OSBPL8: variants seen among roughly 807,000 people sequenced by gnomAD.
OSBPL8 encodes the protein oxysterol binding protein like 8.
A neutral mutation model predicts 125.5 loss-of-function variants in OSBPL8; 59 were observed. The ratio of observed to expected loss-of-function variants is 0.47; its 90% CI spans 0.38 to 0.58. The LOEUF (loss-of-function observed/expected upper bound fraction) is 0.58. Ranked by LOEUF, OSBPL8 falls within the 20% of genes least tolerant of loss-of-function variation. The probability of loss-of-function intolerance (pLI) is 0.00; values close to 1 mark genes in which losing one functional copy is unlikely to be tolerated. For missense variants in OSBPL8, 758 were observed against 1,047.8 expected, an observed-to-expected ratio of 0.72 and a Z score of 3.82; for synonymous variants, 330 against 338.9, an observed-to-expected ratio of 0.97 and a Z score of 0.29.
intron 2 of OSBPL8, among the ~76,000 whole-genome samples, chr12:76,465,422 T>A (rs1002376086): frequency 2.0e-5 from 3 of 151,542 alleles, no homozygotes; most frequent in Non-Finnish European, 4.4e-5. Flanking sequence ...TAGCCGGGCG[T>A]GGTGGCGGGC....
At chr12:76,505,459 G>A (rs1267935528) in intron 1 of OSBPL8, among the ~76,000 whole-genome samples, 6 of 151,802 alleles carry the variant, frequency 4.0e-5, no homozygotes, top group Admixed American at 1.3e-4. Context: ...TATTTTCCTC[G>A]ACGAACCTGA....
At chr12:76,403,476 A>G (rs1407681933) in intron 5 of OSBPL8, among the ~76,000 whole-genome samples, 1 of 152,164 alleles carries the variant, frequency 6.6e-6, no homozygotes, top group Non-Finnish European at 1.5e-5. Flanking sequence ...TGATTTTCCA[A>G]ACTAACAATC....
intron 17 of OSBPL8, 76 bp downstream of exon 17, chr12:76,375,197 A>T: frequency 1.0e-6 from 1 of 957,348 alleles, no homozygotes; most frequent in Non-Finnish European, 1.6e-6. Flanking sequence ...ATTAGGAAAT[A>T]CATGGTGCCC....
intron 4 of OSBPL8, among the ~76,000 whole-genome samples, chr12:76,445,815 A>G (rs1018476661): frequency 4.6e-5 from 7 of 152,016 alleles, no homozygotes; most frequent in African/African-American, 7.2e-5. Flanking sequence ...TGAAACAAAC[A>G]CTCACCACAT....
At chr12:76,492,157 T>G (rs910527697) in intron 1 of OSBPL8, among the ~76,000 whole-genome samples, 3 of 152,058 alleles carry the variant, frequency 2.0e-5, no homozygotes, top group African/African-American at 7.2e-5. Flanking sequence ...GGTTACAATT[T>G]TAAATAGGAT....
At chr12:76,508,993 T>TCTTTACTTTACTTTAA (rs1880708934) in intron 1 of OSBPL8, among the ~76,000 whole-genome samples, 1 of 152,242 alleles carries the variant, frequency 6.6e-6, no homozygotes, top group Non-Finnish European at 1.5e-5. Context: ...ATAAACTTGC[T>TCTTTACTTTACTTTAA]TTCACTTTAC....
intron 1 of OSBPL8, among the ~76,000 whole-genome samples, chr12:76,497,516 ACAC>A (rs1879404989): frequency 6.6e-6 from 1 of 152,150 alleles, no homozygotes; most frequent in Non-Finnish European, 1.5e-5. Flanking sequence ...ACTTAGACCT[ACAC>A]CTAAACCCTA....
At position 76,439,662 on chromosome 12, in the gene OSBPL8, T is replaced by C. The variant is rs922443785; in HGVS notation, c.217+11189A>G. ...TCTTTGTAAAAGTAATCTGTATTACTAATTAGGTTACTTTAAAGATTATAA... is the reference window on the plus strand; with the variant it reads ...TCTTTGTAAAAGTAATCTGTATTACCAATTAGGTTACTTTAAAGATTATAA... On this transcript the variant is annotated intron_variant, in intron 4 of 23. Coordinates refer to ENST00000261183, the MANE Select transcript of OSBPL8 (RefSeq NM_020841.5). Among the ~76,000 whole-genome samples, 19 of 152,340 alleles carry C rather than the reference T, an allele frequency of 1.2e-4. No individual in the cohort carries two copies. In the East Asian group the frequency reaches 2.3e-3, roughly 19 times the overall value.
chr12:76,424,273 T>C (rs567479571), intron 4 of OSBPL8, among the ~76,000 whole-genome samples: 2 of 152,264 alleles, frequency 1.3e-5, no homozygotes, highest in African/African-American at 4.8e-5. Flanking sequence ...AGTGCTAGGA[T>C]TGTAGGTGTG....
chr12:76,492,963 C>G lies in OSBPL8; in HGVS notation c.-67-5345G>C, dbSNP rs78518878. On this transcript the variant is annotated intron_variant, in intron 1 of 23. Coordinates refer to ENST00000261183, the MANE Select transcript of OSBPL8 (RefSeq NM_020841.5). ...TTTTTTTTTGCTTTCATTGTGTGCA[C>G]GTACACACGTGCACATTCTGGGTCA... 1.3e-3 allele frequency among the ~76,000 whole-genome samples: 204 copies of G among 151,730 alleles called. 2 individuals are homozygous for G. The highest frequency in any genetic ancestry group is 4.7e-3 in the African/African-American group (195 of 41,394).
intron 2 of OSBPL8, among the ~76,000 whole-genome samples, chr12:76,476,023 A>G (rs1876764605): frequency 6.6e-6 from 1 of 152,188 alleles, no homozygotes; most frequent in Admixed American, 6.6e-5. Context: ...GCTGTTTACA[A>G]CTGAGGAGAC....
intron 10 of OSBPL8, among the ~76,000 whole-genome samples, chr12:76,391,727 C>A (rs541941519): frequency 1.3e-5 from 2 of 152,002 alleles, no homozygotes; most frequent in Non-Finnish European, 2.9e-5. Context: ...TGTGCCACTG[C>A]ACTGCAGCCT....
chr12:76,404,470 T>C (rs982828424), intron 5 of OSBPL8, among the ~76,000 whole-genome samples: 2 of 152,188 alleles, frequency 1.3e-5, no homozygotes, highest in East Asian at 1.9e-4. Context: ...GGTCCACTTA[T>C]AGGCAGATTT....
intron 16 of OSBPL8, among the ~76,000 whole-genome samples, chr12:76,376,189 C>T (rs1445436798): frequency 6.6e-6 from 1 of 152,152 alleles, no homozygotes; most frequent in Non-Finnish European, 1.5e-5. Context: ...GAATCAAATG[C>T]ATAAGCAAAG....
chr12:76,451,065 A>C, intron 3 of OSBPL8, 77 bp from the exon 4 acceptor site: 1 of 1,434,680 alleles, frequency 7.0e-7, no homozygotes, highest in Non-Finnish European at 9.3e-7. Flanking sequence ...ACATGGAATA[A>C]GATCAAAACT....
intron 1 of OSBPL8, among the ~76,000 whole-genome samples, chr12:76,551,745 C>G (rs1249798726): frequency 6.6e-6 from 1 of 152,176 alleles, no homozygotes; most frequent in African/African-American, 2.4e-5. Flanking sequence ...GATCTCCTAA[C>G]TTGGCCCCAC....
intron 1 of OSBPL8, among the ~76,000 whole-genome samples, chr12:76,527,457 C>T: frequency 6.6e-6 from 1 of 152,192 alleles, no homozygotes; most frequent in East Asian, 1.9e-4. Flanking sequence ...CTGAAATATA[C>T]ATATATCTCC....
Position 76,355,898 on chromosome 12 carries a change from C to T in OSBPL8, c.2661G>A (p.Met887Ile). Reference sequence around the variant, plus strand: ...CAATGGTAGAGAACTTCTACTTGAACATGAAGTTTATTATGACTTGAAGCA... The same window carrying T: ...CAATGGTAGAGAACTTCTACTTGAATATGAAGTTTATTATGACTTGAAGCA... Reference protein sequence around the residue: ...LILLQVIINFMFK With the variant: ...LILLQVIINFIFK The change falls in exon 24 of 24, where the codon ATG becomes ATA. Residue 887 changes from methionine (M) to isoleucine (I), a missense_variant. By Grantham distance (10) the Met-to-Ile change is conservative. Transcript: ENST00000261183. 2 of 1,613,280 alleles carry T rather than the reference C, an allele frequency of 1.2e-6. No individual in the cohort carries two copies. Among genetic ancestry groups the T allele is most frequent in the Non-Finnish European group, 1.7e-6 (2 of 1,179,580 alleles).
chr12:76,428,807 G>C (rs1296071701), intron 4 of OSBPL8, among the ~76,000 whole-genome samples: 2 of 152,122 alleles, frequency 1.3e-5, no homozygotes, highest in African/African-American at 4.8e-5. Context: ...TGACACATTA[G>C]AGCAGCTCAG....
Sources: gnomAD v4.1 joint callset for allele counts (sites outside exome capture counted in the v4.1 genomes callset) on GRCh38, gnomAD v4.1.1 for gene constraint, MANE v1.5 for transcripts, NCBI Gene and HGNC (gene_info 2026-07-23, HGNC 2026-07-21) for gene names.